PCDHA8: variants seen among roughly 807,000 people sequenced by gnomAD.
PCDHA8 encodes the protein protocadherin alpha 8.
In PCDHA8, 53 loss-of-function variants were observed where a neutral mutation model predicts 61.8. The observed-to-expected ratio is 0.86, with a 90% CI of 0.69 to 1.08. The LOEUF (loss-of-function observed/expected upper bound fraction) is 1.08. PCDHA8 is among the 50% of genes least tolerant of loss of function. PCDHA8 has a pLI of 0.00. For synonymous variants in PCDHA8, 618 were observed against 556.6 expected, an observed-to-expected ratio of 1.11 and a Z score of -1.55; for missense variants, 1,293 against 1,245.0, an observed-to-expected ratio of 1.04 and a Z score of -0.58.
chr5:140,928,155 C>T, intron 1 of PCDHA8: 2 of 1,614,178 alleles, frequency 1.2e-6, no homozygotes, highest in Non-Finnish European at 1.7e-6. Flanking sequence ...CAGATAGTGG[C>T]TCACCCCCAC....
At chr5:140,954,948 G>A (rs1163066790) in intron 1 of PCDHA8, among the ~76,000 whole-genome samples, 2 of 152,204 alleles carry the variant, frequency 1.3e-5, no homozygotes, top group Non-Finnish European at 1.5e-5. Flanking sequence ...GTTAATTTTT[G>A]TATAAGATGT....
Position 140,841,829 on chromosome 5 carries a change from T to G in PCDHA8, c.508T>G (p.Tyr170Asp). 1 of 1,613,898 alleles carries G rather than the reference T, an allele frequency of 6.2e-7. No homozygotes were observed. Among genetic ancestry groups the G allele is most frequent in the Non-Finnish European group, 8.5e-7 (1 of 1,179,842 alleles). Residue 170 changes from tyrosine (Y) to aspartate (D), a missense_variant, in exon 1 of 4, where the codon TAC becomes GAC. By Grantham distance (160) the Tyr-to-Asp change is radical (BLOSUM62 -3). Transcript: ENST00000531613. ...TGTTGGAGCTAACTCCGTGTTAACC[T>G]ACAGGCTTAGCTCTCATGATTACTT... ...ADVGANSVLT[Y>D]RLSSHDYFML...
At chr5:140,978,881 A>G in intron 1 of PCDHA8, 68 bp from the exon 2 acceptor site, 1 of 1,610,922 alleles carries the variant, frequency 6.2e-7, no homozygotes, top group Non-Finnish European at 8.5e-7. Flanking sequence ...TAACTAATCA[A>G]TTAGCAGCAT....
chr5:140,895,136 A>G (rs781801401), intron 1 of PCDHA8, among the ~76,000 whole-genome samples: 43 of 152,306 alleles, frequency 2.8e-4, no homozygotes, highest in Non-Finnish European at 5.6e-4. Context: ...ACAAGTTCAT[A>G]GGGCTAAGAC....
chr5:140,857,662 T>C lies in PCDHA8; in HGVS notation c.2394+13947T>C, dbSNP rs782577621. The C allele has an allele frequency of 7.5e-6, 12 of 1,596,412 alleles. 2 individuals are homozygous for C. The highest frequency in any genetic ancestry group is 6.7e-5 in the African/African-American group (5 of 74,166). On this transcript the variant is annotated intron_variant, in intron 1 of 3. Transcript: ENST00000531613. ...TACAGTTCCAGGTGAGCGCGCGCGA[T>C]GGGGGCGTGCCGCCTCTGGGCAGCA...
At chr5:140,858,296 C>A in intron 1 of PCDHA8, 2 of 1,597,508 alleles carry the variant, frequency 1.3e-6, no homozygotes, top group Non-Finnish European at 1.7e-6. Flanking sequence ...GTCTTACTCG[C>A]AGCAGAGGCG....
chr5:140,852,594 T>G (rs1554145952), intron 1 of PCDHA8: 2 of 893,746 alleles, frequency 2.2e-6, no homozygotes, highest in African/African-American at 3.6e-5. Flanking sequence ...TTTTTTTTTT[T>G]GTCATTTTCT....
chr5:141,000,367 C>G (rs1158701279), intron 3 of PCDHA8, among the ~76,000 whole-genome samples: 1 of 18,506 alleles, frequency 5.4e-5, no homozygotes, highest in Admixed American at 6.5e-4. Flanking sequence ...CTCTGTCTCT[C>G]TCTCTCTCTC....
intron 1 of PCDHA8, chr5:140,853,696 T>C: frequency 1.1e-5 from 11 of 988,274 alleles, no homozygotes; most frequent in Non-Finnish European, 1.3e-5. Context: ...TTAGACCTGC[T>C]AACGCATTAG....
At chr5:141,007,395 CAAAAAAAAAAAA>C (rs35800918) in intron 3 of PCDHA8, among the ~76,000 whole-genome samples, 1 of 94,866 alleles carries the variant, frequency 1.1e-5, no homozygotes, top group Non-Finnish European at 2.1e-5. Flanking sequence ...TACTAAAATA[CAAAAAAAAAAAA>C]AAAAAAAAAA....
rs782733393 is a variant in PCDHA8 at position 140,875,889 on chromosome 5, G to A, written c.2394+32174G>A. The A allele has an allele frequency of 6.2e-6, 10 of 1,614,054 alleles. No homozygotes were observed. The South Asian group carries it at 8.8e-5, about 14-fold the overall frequency. On this transcript the variant is annotated intron_variant, in intron 1 of 3. Coordinates refer to ENST00000531613, the MANE Select transcript of PCDHA8 (RefSeq NM_018911.3). ...CGGTGTTCAGAGAAAGGGAACAAAA[G>A]GTACCTGTTTCTGAATCTGCGCCTC...
intron 1 of PCDHA8, chr5:140,882,358 G>A: frequency 1.9e-6 from 3 of 1,614,232 alleles, no homozygotes; most frequent in Non-Finnish European, 2.5e-6. Context: ...GTAGTGGCCA[G>A]CTCCACTACT....
At chr5:140,866,711 G>A (rs1554160494) in intron 1 of PCDHA8, 1 of 152,110 alleles carries the variant, frequency 6.6e-6, no homozygotes, top group African/African-American at 2.4e-5. Flanking sequence ...ACGTGCACTA[G>A]TAAGACATTA....
intron 1 of PCDHA8, chr5:140,848,339 A>T (rs1554142071): frequency 4.5e-6 from 4 of 885,086 alleles, no homozygotes. Context: ...AATCCAGACA[A>T]ATACAGCCCT....
rs376943163 is a variant in PCDHA8 at position 140,883,718 on chromosome 5, G to C, written c.2394+40003G>C. On this transcript the variant is annotated intron_variant, in intron 1 of 3. Coordinates refer to ENST00000531613, the MANE Select transcript of PCDHA8 (RefSeq NM_018911.3). The stretch of plus-strand genomic sequence containing the variant: ...CACGGTGTCTGCTCAGGACGCGGAC[G>C]CACAGGAGAACGCGCTGGTCTCCTA... The C allele has an allele frequency of 5.0e-5, 81 of 1,613,524 alleles. No homozygotes were observed. Among genetic ancestry groups the C allele is most frequent in the Non-Finnish European group, 6.4e-5 (75 of 1,179,854 alleles).
intron 1 of PCDHA8, among the ~76,000 whole-genome samples, chr5:140,936,139 C>T (rs1166879357): frequency 6.6e-6 from 1 of 152,078 alleles, no homozygotes; most frequent in Non-Finnish European, 1.5e-5. Flanking sequence ...GTGATCTGCC[C>T]GCCTTGGCCT....
chr5:140,876,031 G>T (rs1554168208), intron 1 of PCDHA8: 1 of 1,613,702 alleles, frequency 6.2e-7, no homozygotes. Flanking sequence ...AACAAAAAAA[G>T]ATAAAAGTAT....
In PCDHA8 at chr5:140,987,930, G is replaced by T. The variant is rs554856826; in HGVS notation, c.2542+5367G>T. Among the ~76,000 whole-genome samples, 18 of 152,196 alleles carry T rather than the reference G, an allele frequency of 1.2e-4. No individual in the cohort carries two copies. The South Asian group carries it at 2.1e-3, about 18-fold the overall frequency. Reference sequence around the variant, plus strand: ...GATTTATATTCTTAATTGTCTCAAGGATTCTTACCTGTCTGACAAAACCAA... The same window carrying T: ...GATTTATATTCTTAATTGTCTCAAGTATTCTTACCTGTCTGACAAAACCAA... On this transcript the variant is annotated intron_variant, in intron 3 of 3. Transcript: ENST00000531613.
chr5:140,934,004 T>G (rs556218652), intron 1 of PCDHA8, among the ~76,000 whole-genome samples: 1 of 152,204 alleles, frequency 6.6e-6, no homozygotes, highest in Non-Finnish European at 1.5e-5. Flanking sequence ...CCTCTCATTT[T>G]TCTTGACTAG....
Sources: allele counts gnomAD v4.1 joint callset (sites outside exome capture counted in the v4.1 genomes callset), GRCh38; gene constraint gnomAD v4.1.1; transcripts MANE v1.5; gene names NCBI Gene and HGNC (gene_info 2026-07-23, HGNC 2026-07-21).